FBXO43: variants seen among roughly 807,000 people sequenced by gnomAD.
The protein encoded by FBXO43 is F-box only protein 43.
A neutral mutation model predicts 56.7 loss-of-function variants in FBXO43; 22 were observed. That is an observed-to-expected ratio of 0.39 (90% confidence interval 0.28 to 0.55). The LOEUF (loss-of-function observed/expected upper bound fraction) is 0.55. Ranked by LOEUF, FBXO43 falls within the 20% of genes least tolerant of loss-of-function variation. FBXO43 has a pLI of 0.66. For synonymous variants in FBXO43, 306 were observed against 294.5 expected (o/e 1.04, Z -0.40); for missense variants, 733 against 814.9 (o/e 0.90, Z 1.22).
chr8:100,135,127 A>G (rs1162637767), intron 3 of FBXO43, among the ~76,000 whole-genome samples: 1 of 152,252 alleles, frequency 6.6e-6, no homozygotes, highest in East Asian at 1.9e-4. Flanking sequence ...ACAACATACT[A>G]TAGCTGTGAA....
chr8:100,141,474 G>T lies in FBXO43; in HGVS notation c.780C>A (p.Asp260Glu). 1 of 1,613,154 alleles carries T rather than the reference G, an allele frequency of 6.2e-7. No individual in the cohort carries two copies. Among genetic ancestry groups the T allele is most frequent in the Non-Finnish European group, 8.5e-7 (1 of 1,179,974 alleles). Reference sequence around the variant, plus strand: ...TATCACTAAAGTCATGTGTGATAGAGTCTTTAAAATTATTGCCCTGAATTG... The same window carrying T: ...TATCACTAAAGTCATGTGTGATAGATTCTTTAAAATTATTGCCCTGAATTG... ...ISPIQGNNFK[D>E]SITHDFSDSS... Residue 260 changes from aspartate to glutamate, a missense_variant, in exon 2 of 5, where the codon GAC (aspartate) becomes GAA (glutamate). Asp to Glu is a conservative substitution (Grantham distance 45, BLOSUM62 2). Coordinates refer to ENST00000428847, the MANE Select transcript of FBXO43 (RefSeq NM_001029860.4).
Position 100,141,643 on chromosome 8 carries a change from C to G in FBXO43, c.611G>C (p.Ser204Thr). ...TTTTAAAGTGCTAGTAACTAAAGGG[C>G]TAAAATTATTTGCCCTGGAAAAACC... Reference protein sequence around the residue: ...ASGFSRANNFSPLVTSTLKTE... With the variant: ...ASGFSRANNFTPLVTSTLKTE... Residue 204 changes from serine (S) to threonine (T), a missense_variant, in exon 2 of 5, where the codon AGC becomes ACC. By Grantham distance (58) the Ser-to-Thr change is moderately conservative. Coordinates refer to ENST00000428847, the MANE Select transcript of FBXO43 (RefSeq NM_001029860.4). 1 of 1,613,096 alleles carries G rather than the reference C, an allele frequency of 6.2e-7. No homozygotes were observed. The highest frequency in any genetic ancestry group is 8.5e-7 in the Non-Finnish European group (1 of 1,179,478).
At chr8:100,149,117 G>A (rs1034657494), upstream of FBXO43, among the ~76,000 whole-genome samples, 1 of 152,154 alleles carries the variant, frequency 6.6e-6, no homozygotes. Flanking sequence ...AGTGATCCTA[G>A]AACTACCAGT....
Position 100,141,158 on chromosome 8 carries a change from G to C in FBXO43, c.1096C>G (p.Pro366Ala). ...TTTCTTATGGTGTCCCCAACTTTGGGAGTCCCCTTATGTTTCTGCAGTAGT... is the reference window on the plus strand; with the variant it reads ...TTTCTTATGGTGTCCCCAACTTTGGCAGTCCCCTTATGTTTCTGCAGTAGT... ...QELLQKHKGT[P>A]KVGDTIRKTR... Residue 366 changes from proline (P) to alanine (A), a missense_variant, in exon 2 of 5, where the codon CCC becomes GCC. Transcript: ENST00000428847. 1.2e-6 allele frequency: 2 copies of C among 1,614,126 alleles called. No individual in the cohort carries two copies. The highest frequency in any genetic ancestry group is 1.7e-6 in the Non-Finnish European group (2 of 1,180,030).
chr8:100,137,532 A>T (rs755420232), intron 3 of FBXO43, 33 bp downstream of exon 3: 28 of 1,406,266 alleles, frequency 2.0e-5, no homozygotes, highest in Non-Finnish European at 2.6e-5. Context: ...GTATTTATAC[A>T]AATCCATTTT....
rs913517625 is a variant in FBXO43, at chr8:100,134,468, T to A, written c.1675-104A>T. On this transcript the variant is annotated intron_variant, in intron 3 of 4. Transcript: ENST00000428847. ...TATGCTTTGAAGAGGTTTTTTGCCA[T>A]CCGAATTCTCTCCCTAGGCTGTTCC... 7.5e-6 allele frequency: 7 copies of A among 928,502 alleles called. No homozygotes were observed. In the African/African-American group the frequency reaches 1.2e-4, roughly 15 times the overall value. 57.5% of individuals were successfully genotyped at this position (928,502 alleles called of 1,614,324 possible).
At chr8:100,143,866 G>C (rs943782778) in intron 1 of FBXO43, among the ~76,000 whole-genome samples, 13 of 152,244 alleles carry the variant, frequency 8.5e-5, no homozygotes, top group African/African-American at 2.9e-4. Flanking sequence ...CTGCCTCCCG[G>C]GTTCAACCAA....
chr8:100,139,810 G>C (rs1330492484), intron 2 of FBXO43, among the ~76,000 whole-genome samples: 2 of 152,176 alleles, frequency 1.3e-5, no homozygotes, highest in African/African-American at 4.8e-5. Flanking sequence ...TTTCACTGCT[G>C]TGTTAACAAT....
rs373092371 is a variant in FBXO43, at chr8:100,134,364, C to T, written c.1675G>A (p.Gly559Arg). Residue 559 changes from glycine (G) to arginine (R), a missense_variant and splice_region_variant, in exon 4 of 5, where the codon GGG (glycine) becomes AGG (arginine). Transcript: ENST00000428847. ...GCATCCTCGACATTTAATACAGCCC[C>T]CTGTGGTAAAGGACAAGAGGCATCA... ...YITQLKTDSE[G>R]AVLNVEDAAT... 435 of 1,612,790 alleles carry T rather than the reference C, an allele frequency of 2.7e-4. No homozygotes were observed. The highest frequency in any genetic ancestry group is 3.6e-4 in the Non-Finnish European group (420 of 1,179,912).
chr8:100,142,443 T>C lies in FBXO43; in HGVS notation c.86-275A>G, dbSNP rs116070611. On this transcript the variant is annotated intron_variant, in intron 1 of 4. Transcript: ENST00000428847. ...CTAAGCATCATGCACACATATTTTA[T>C]TGAGCTACCCTAAAGAGAAAAAAAC... Among the ~76,000 whole-genome samples the C allele has an allele frequency of 6.8e-3, 1,043 of 152,328 alleles. 14 individuals are homozygous for C. Among genetic ancestry groups the C allele is most frequent in the African/African-American group, 0.023 (976 of 41,586 alleles).
chr8:100,147,068 G>A (rs970058195), upstream of FBXO43, among the ~76,000 whole-genome samples: 1 of 152,076 alleles, frequency 6.6e-6, no homozygotes, highest in Non-Finnish European at 1.5e-5. Context: ...GGCTGGTCTC[G>A]AACTCCTGAC....
chr8:100,134,017 T>G lies in FBXO43; in HGVS notation c.1912A>C (p.Lys638Gln), dbSNP rs778883787. ...AKTLFTDEAL[K>Q]PCPRCQSPAK... ...GGGGACTGGCACCTTGGGCAAGGTT[T>G]TAATGCTTCATCAGTAAAAAGTGTT... The change falls in exon 5 of 5, where the codon AAA (lysine) becomes CAA (glutamine). Residue 638 changes from lysine to glutamine, a missense_variant. Coordinates refer to ENST00000428847, the MANE Select transcript of FBXO43 (RefSeq NM_001029860.4). 6.2e-7 allele frequency: 1 copy of G among 1,614,164 alleles called. No homozygotes were observed. The highest frequency in any genetic ancestry group is 2.2e-5 in the East Asian group (1 of 44,886).
rs145753799 is a variant in FBXO43, at chr8:100,133,993, G to C, written c.1936C>G (p.Pro646Ala). Reference sequence around the variant, plus strand: ...TTCTTATATGGCTGGTACTTAGCAGGGGACTGGCACCTTGGGCAAGGTTTT... The same window carrying C: ...TTCTTATATGGCTGGTACTTAGCAGCGGACTGGCACCTTGGGCAAGGTTTT... ...ALKPCPRCQS[P>A]AKYQPYKKRG... Residue 646 changes from proline (P) to alanine (A), a missense_variant, in exon 5 of 5, where the codon CCT becomes GCT. By Grantham distance (27) the Pro-to-Ala change is conservative. Coordinates refer to ENST00000428847, the MANE Select transcript of FBXO43 (RefSeq NM_001029860.4). 1,704 of 1,614,150 alleles carry C rather than the reference G, an allele frequency of 1.1e-3. 16 individuals carry two copies. In the African/African-American group the frequency reaches 0.019, roughly 18 times the overall value.
In FBXO43 at chr8:100,133,377, A is replaced by T. The variant is rs1451812475; in HGVS notation, c.*425T>A. On this transcript the variant is annotated 3_prime_UTR_variant, in exon 5 of 5. Coordinates refer to ENST00000428847, the MANE Select transcript of FBXO43 (RefSeq NM_001029860.4). ...TCAATAGAACTTCTGAAAATATTTT[A>T]TTTATATTTCATTTCAGTCAAGTAC... is the stretch of plus-strand genomic sequence containing the variant. 1 of 152,438 alleles carries T rather than the reference A, an allele frequency of 6.6e-6. No homozygotes were observed. The highest frequency in any genetic ancestry group is 1.5e-5 in the Non-Finnish European group (1 of 68,228). The allele number at this position is 152,438 out of a possible 1,614,324, so 9.4% of individuals were successfully genotyped here. A position where few individuals can be genotyped will look rare whatever the true frequency, so the allele number is the denominator to read the frequency against.
Position 100,145,179 on chromosome 8 carries a change from A to G in FBXO43, c.-44T>C, listed in dbSNP as rs965189366. ...AAAGAGGAAAACTTTAGTTTGCACAATTAATTGAAAGGTGCAGCAGCATCA... is the reference window on the plus strand; with the variant it reads ...AAAGAGGAAAACTTTAGTTTGCACAGTTAATTGAAAGGTGCAGCAGCATCA... On this transcript the variant is annotated 5_prime_UTR_variant, in exon 1 of 5. Coordinates refer to ENST00000428847, the MANE Select transcript of FBXO43 (RefSeq NM_001029860.4). 4.5e-6 allele frequency: 7 copies of G among 1,544,754 alleles called. No homozygotes were observed. Among genetic ancestry groups the G allele is most frequent in the Non-Finnish European group, 5.3e-6 (6 of 1,132,470 alleles).
Position 100,134,211 on chromosome 8 carries a change from C to T in FBXO43, c.1828G>A (p.Ala610Thr), listed in dbSNP as rs1255329603. ...SPWGEVLTPL[A>T]SSSVTHLSSK... Reference sequence around the variant, plus strand: ...CTTAAGTGAGTAACAGAAGAGCTTGCTAGAGGTGTCAAAACTTCTCCCCAG... The same window carrying T: ...CTTAAGTGAGTAACAGAAGAGCTTGTTAGAGGTGTCAAAACTTCTCCCCAG... Residue 610 changes from alanine to threonine, a missense_variant, in exon 4 of 5, where the codon GCA becomes ACA. Coordinates refer to ENST00000428847, the MANE Select transcript of FBXO43 (RefSeq NM_001029860.4). The T allele has an allele frequency of 8.7e-6, 14 of 1,614,004 alleles. No individual in the cohort carries two copies. The highest frequency in any genetic ancestry group is 1.2e-5 in the Non-Finnish European group (14 of 1,180,014).
At chr8:100,134,815 T>G (rs1398895859) in intron 3 of FBXO43, among the ~76,000 whole-genome samples, 2 of 152,158 alleles carry the variant, frequency 1.3e-5, no homozygotes, top group African/African-American at 2.4e-5. Context: ...ATAATTTTTT[T>G]TGTTTTGGTT....
rs1387400634 is a variant in FBXO43 at position 100,133,922 on chromosome 8, C to T, written c.2007G>A (p.Val669=). The change falls in exon 5 of 5, where the codon GTG becomes GTA. Residue 669 remains valine, a synonymous_variant. Transcript: ENST00000428847. ...ACCCATGATAAGCACACAGACATAA[C>T]ACACAAAAGTCAAAACCACAGGCTG... is the stretch of plus-strand genomic sequence containing the variant. ...SRTACGFDFC[V]LCLCAYHGSE... is the part of the protein sequence containing the mutation. 2 of 1,614,102 alleles carry T rather than the reference C, an allele frequency of 1.2e-6. No homozygotes were observed. Among genetic ancestry groups the T allele is most frequent in the Non-Finnish European group, 1.7e-6 (2 of 1,179,996 alleles).
chr8:100,142,122 G>A lies in FBXO43; in HGVS notation c.132C>T (p.Gly44=), dbSNP rs979359839. The change falls in exon 2 of 5, where the codon GGC becomes GGT. Residue 44 remains glycine, a synonymous_variant. Transcript: ENST00000428847. ...AGTCCGCCCCATTTCCTGCTTCAGT[G>A]CCAGCTTGACCTGAGTGCCTTTGCG... ...KMSQRHSGQA[G]TEAGNGADSP... is the part of the protein sequence containing the mutation. 2 of 1,606,314 alleles carry A rather than the reference G, an allele frequency of 1.2e-6. No homozygotes were observed. The highest frequency in any genetic ancestry group is 1.1e-5 in the South Asian group (1 of 88,998).
Sources: gnomAD v4.1 joint callset for allele counts (sites outside exome capture counted in the v4.1 genomes callset) on GRCh38, gnomAD v4.1.1 for gene constraint, MANE v1.5 for transcripts, NCBI Gene and HGNC (gene_info 2026-07-23, HGNC 2026-07-21) for gene names.